The following PRKN variants were observed in gnomAD, a reference collection of about 807,000 sequenced individuals.
PRKN encodes parkin RBR E3 ubiquitin protein ligase.
PRKN carries 56 observed loss-of-function variants against 59.5 expected under a neutral mutation model. The observed-to-expected ratio is 0.94, with a 90% CI of 0.76 to 1.18. The LOEUF is 1.18. PRKN is among the 50% of genes most tolerant of loss of function. PRKN has a pLI of 0.00. For synonymous variants in PRKN, 250 were observed against 222.1 expected, an observed-to-expected ratio of 1.13 and a Z score of -1.12; for missense variants, 657 against 596.4, an observed-to-expected ratio of 1.10 and a Z score of -1.06.
intron 2 of PRKN, among the ~76,000 whole-genome samples, chr6:162,443,020 G>C (rs1416001940): frequency 6.6e-6 from 1 of 152,182 alleles, no homozygotes; most frequent in Non-Finnish European, 1.5e-5. Flanking sequence ...CACAGAAATT[G>C]TGCCTTGCTG....
At chr6:162,108,369 A>G (rs1255759012) in intron 4 of PRKN, among the ~76,000 whole-genome samples, 1 of 152,174 alleles carries the variant, frequency 6.6e-6, no homozygotes, top group Non-Finnish European at 1.5e-5. Flanking sequence ...GCACTTCACT[A>G]AATATTACAT....
chr6:161,934,721 A>G (rs1286956209), intron 6 of PRKN, among the ~76,000 whole-genome samples: 1 of 152,048 alleles, frequency 6.6e-6, no homozygotes, highest in African/African-American at 2.4e-5. Context: ...ATATGTTGTT[A>G]CTTTGAGAGA....
At chr6:162,298,626 A>AC (rs1047632041) in intron 2 of PRKN, among the ~76,000 whole-genome samples, 1 of 26,960 alleles carries the variant, frequency 3.7e-5, no homozygotes, top group Non-Finnish European at 7.9e-5. Context: ...ACCACCCCCC[A>AC]CCCCCCAACC....
At chr6:161,976,205 G>A (rs567008808) in intron 5 of PRKN, among the ~76,000 whole-genome samples, 2 of 152,272 alleles carry the variant, frequency 1.3e-5, no homozygotes, top group South Asian at 2.1e-4. Context: ...GTGCCTGGCT[G>A]AGTGTGCCAT....
chr6:161,380,133 T>C (rs998279791), intron 10 of PRKN, among the ~76,000 whole-genome samples: 1 of 152,160 alleles, frequency 6.6e-6, no homozygotes, highest in Non-Finnish European at 1.5e-5. Flanking sequence ...GTGTCATTCA[T>C]GCTCATCTCC....
chr6:162,145,661 C>A (rs1781992221), intron 4 of PRKN, among the ~76,000 whole-genome samples: 2 of 152,244 alleles, frequency 1.3e-5, no homozygotes, highest in South Asian at 4.1e-4. Context: ...ATAACAGAAT[C>A]TTTTTGGGTC....
At chr6:162,275,606 G>A (rs1780601861) in intron 2 of PRKN, among the ~76,000 whole-genome samples, 1 of 152,130 alleles carries the variant, frequency 6.6e-6, no homozygotes, top group African/African-American at 2.4e-5. Flanking sequence ...CCAACATGGT[G>A]AAACCCTGTC....
chr6:162,544,639 C>A (rs1453433533), intron 1 of PRKN, among the ~76,000 whole-genome samples: 2 of 149,392 alleles, frequency 1.3e-5, no homozygotes. Flanking sequence ...TGCGATCTCA[C>A]ATTTATTTTA....
chr6:161,691,184 A>G (rs1174891777), intron 7 of PRKN, among the ~76,000 whole-genome samples: 1 of 152,184 alleles, frequency 6.6e-6, no homozygotes, highest in African/African-American at 2.4e-5. Context: ...ACTGCTTTAG[A>G]AACCTCCATC....
At chr6:162,120,604 G>A (rs1780872073) in intron 4 of PRKN, among the ~76,000 whole-genome samples, 1 of 152,210 alleles carries the variant, frequency 6.6e-6, no homozygotes, top group African/African-American at 2.4e-5. Flanking sequence ...TACGGAGATT[G>A]CAGAAGGTTC....
At chr6:162,397,704 C>A (rs1787544116) in intron 2 of PRKN, among the ~76,000 whole-genome samples, 1 of 152,084 alleles carries the variant, frequency 6.6e-6, no homozygotes, top group South Asian at 2.1e-4. Context: ...ACTCCTTACC[C>A]ATTTTTATTG....
chr6:162,653,786 G>A (rs1458885089), intron 1 of PRKN, among the ~76,000 whole-genome samples: 4 of 152,234 alleles, frequency 2.6e-5, no homozygotes, highest in East Asian at 1.9e-4. Context: ...ATTCTAACTG[G>A]TTGCCAACAG....
intron 4 of PRKN, among the ~76,000 whole-genome samples, chr6:162,091,096 T>A (rs1293229162): frequency 7.4e-6 from 1 of 135,534 alleles, no homozygotes; most frequent in Non-Finnish European, 1.5e-5. Context: ...CAGATTTATT[T>A]ATTTCTCTTG....
chr6:162,020,959 C>T (rs922231397), intron 5 of PRKN, among the ~76,000 whole-genome samples: 10 of 150,936 alleles, frequency 6.6e-5, no homozygotes, highest in Admixed American at 1.3e-4. Context: ...AAAAATTAGC[C>T]GGGCATGGTG....
intron 1 of PRKN, among the ~76,000 whole-genome samples, chr6:162,472,889 T>C (rs1460327552): frequency 6.6e-6 from 1 of 151,168 alleles, no homozygotes; most frequent in Non-Finnish European, 1.5e-5. Flanking sequence ...TGGAAATGTG[T>C]GTGTGGCCTG....
chr6:161,926,796 G>A (rs1388229168), intron 6 of PRKN, among the ~76,000 whole-genome samples: 4 of 152,132 alleles, frequency 2.6e-5, no homozygotes, highest in South Asian at 2.1e-4. Flanking sequence ...ACAAGCCTAC[G>A]AGAGATATAA....
chr6:162,343,893 G>A (rs762338152), intron 2 of PRKN, among the ~76,000 whole-genome samples: 2 of 152,096 alleles, frequency 1.3e-5, no homozygotes, highest in African/African-American at 2.4e-5. Context: ...AAATACTTTT[G>A]TAGAGATTTC....
intron 4 of PRKN, among the ~76,000 whole-genome samples, chr6:162,100,544 C>T (rs142404024): frequency 1.0e-3 from 157 of 151,700 alleles, no homozygotes; most frequent in African/African-American, 3.5e-3. Flanking sequence ...TGAGTTCAAG[C>T]GATTCTCCTG....
At chr6:162,611,118 A>ACTATACAATG (rs2128218799) in intron 1 of PRKN, among the ~76,000 whole-genome samples, 1 of 152,338 alleles carries the variant, frequency 6.6e-6, no homozygotes, top group South Asian at 2.1e-4. Flanking sequence ...TGGCAAAGGA[A>ACTATACAATG]CTATACAATT....
Sources: gnomAD v4.1 joint callset for allele counts (sites outside exome capture counted in the v4.1 genomes callset) on GRCh38, gnomAD v4.1.1 for gene constraint, MANE v1.5 for transcripts, NCBI Gene and HGNC (gene_info 2026-07-23, HGNC 2026-07-21) for gene names.